The following GALNTL6 variants were observed in gnomAD, a reference collection of about 807,000 sequenced individuals.
GALNTL6 encodes polypeptide N-acetylgalactosaminyltransferase-like 6.
In GALNTL6, 46 loss-of-function variants were observed where a neutral mutation model predicts 73.7. The observed-to-expected ratio is 0.62, with a 90% CI of 0.49 to 0.80. The LOEUF (loss-of-function observed/expected upper bound fraction) is 0.80. GALNTL6 is among the 30% of genes least tolerant of loss of function. The pLI, the probability that GALNTL6 is intolerant of heterozygous loss-of-function variation, is 0.00. For missense variants in GALNTL6, 604 were observed against 755.0 expected (o/e 0.80, Z 2.34); for synonymous variants, 259 against 263.7 (o/e 0.98, Z 0.17).
chr4:172,059,522 C>A (rs1356980373), intron 2 of GALNTL6, among the ~76,000 whole-genome samples: 1 of 151,824 alleles, frequency 6.6e-6, no homozygotes, highest in Non-Finnish European at 1.5e-5. Flanking sequence ...ATAACTTGAA[C>A]CGTTGTCTAA....
At chr4:172,162,016 G>A (rs575738792) in intron 2 of GALNTL6, among the ~76,000 whole-genome samples, 6 of 152,096 alleles carry the variant, frequency 3.9e-5, no homozygotes, top group African/African-American at 1.4e-4. Flanking sequence ...TTGTTCATGG[G>A]CACTAGGGAT....
At chr4:172,496,394 T>C (rs1430107146) in intron 5 of GALNTL6, among the ~76,000 whole-genome samples, 1 of 152,090 alleles carries the variant, frequency 6.6e-6, no homozygotes, top group Non-Finnish European at 1.5e-5. Flanking sequence ...ATTTTATTAA[T>C]AAATTATAGT....
chr4:172,436,009 C>T (rs1213039531), intron 5 of GALNTL6, among the ~76,000 whole-genome samples: 1 of 37,898 alleles, frequency 2.6e-5, no homozygotes, highest in Non-Finnish European at 6.6e-5. Flanking sequence ...CTTAGCATCA[C>T]ACTCTTTAAC....
chr4:172,146,648 T>C (rs1437532149), intron 2 of GALNTL6, among the ~76,000 whole-genome samples: 1 of 152,204 alleles, frequency 6.6e-6, no homozygotes, highest in East Asian at 1.9e-4. Context: ...CCTATTAAAA[T>C]CTATAATGAT....
intron 5 of GALNTL6, among the ~76,000 whole-genome samples, chr4:172,548,194 C>G (rs954447565): frequency 6.6e-6 from 1 of 152,190 alleles, no homozygotes; most frequent in African/African-American, 2.4e-5. Context: ...AGAATTATGT[C>G]TCCACCTGAT....
rs368680813 is a variant in GALNTL6, at chr4:172,289,309, A to G, written c.248-22305A>G. On this transcript the variant is annotated intron_variant, in intron 3 of 12. Transcript: ENST00000506823. ...GTTGTATTATGATCAACTCCTCATC[A>G]TTGTTTAATTGTGTCCTAACTACAG... 3.8e-4 allele frequency among the ~76,000 whole-genome samples: 58 copies of G among 152,292 alleles called. No individual in the cohort carries two copies. The East Asian group carries it at 8.5e-3, about 22-fold the overall frequency.
At chr4:172,139,060 G>A (rs1733732987) in intron 2 of GALNTL6, among the ~76,000 whole-genome samples, 1 of 152,086 alleles carries the variant, frequency 6.6e-6, no homozygotes, top group African/African-American at 2.4e-5. Flanking sequence ...CAGACAAAAG[G>A]AACAGAAAAA....
intron 2 of GALNTL6, among the ~76,000 whole-genome samples, chr4:171,844,552 C>A (rs1735322278): frequency 6.6e-6 from 1 of 152,070 alleles, no homozygotes; most frequent in South Asian, 2.1e-4. Flanking sequence ...TTTGGAAGAG[C>A]TTTAGATGAA....
At chr4:172,339,256 AC>A (rs1421592435) in intron 4 of GALNTL6, among the ~76,000 whole-genome samples, 4 of 95,174 alleles carry the variant, frequency 4.2e-5, no homozygotes, top group Non-Finnish European at 6.2e-5. Context: ...ACACACACAC[AC>A]CACACACACA....
chr4:172,689,926 G>A (rs1261367915), intron 5 of GALNTL6, among the ~76,000 whole-genome samples: 1 of 151,882 alleles, frequency 6.6e-6, no homozygotes, highest in Non-Finnish European at 1.5e-5. Flanking sequence ...TCAAAACCAG[G>A]ATATAAAGTA....
intron 2 of GALNTL6, among the ~76,000 whole-genome samples, chr4:171,880,344 T>C (rs545435069): frequency 1.6e-4 from 25 of 152,342 alleles, no homozygotes; most frequent in African/African-American, 5.3e-4. Flanking sequence ...GAAACAGTCA[T>C]GCATTAGGCG....
intron 2 of GALNTL6, among the ~76,000 whole-genome samples, chr4:172,091,031 T>C (rs1732188508): frequency 6.6e-6 from 1 of 152,154 alleles, no homozygotes; most frequent in Admixed American, 6.5e-5. Context: ...TTGAGGCTTC[T>C]GTTCTGTTCC....
chr4:171,837,682 G>A (rs1306166636), intron 2 of GALNTL6, among the ~76,000 whole-genome samples: 2 of 145,368 alleles, frequency 1.4e-5, no homozygotes, highest in African/African-American at 5.0e-5. Flanking sequence ...AATATATTAT[G>A]TATATTTATA....
chr4:172,605,424 G>A (rs1443468465), intron 5 of GALNTL6, among the ~76,000 whole-genome samples: 1 of 152,158 alleles, frequency 6.6e-6, no homozygotes, highest in African/African-American at 2.4e-5. Flanking sequence ...ATTAATGGGG[G>A]AGATAGACAT....
intron 5 of GALNTL6, among the ~76,000 whole-genome samples, chr4:172,759,460 T>A (rs1174585146): frequency 6.6e-6 from 1 of 152,246 alleles, no homozygotes; most frequent in Non-Finnish European, 1.5e-5. Context: ...GGCCTAGTGG[T>A]CCCTTGCAGG....
intron 2 of GALNTL6, among the ~76,000 whole-genome samples, chr4:172,222,418 A>C (rs983737652): frequency 6.6e-6 from 1 of 151,994 alleles, no homozygotes; most frequent in Admixed American, 6.6e-5. Flanking sequence ...AAATATGTAT[A>C]ATAAAAGTGA....
chr4:171,826,672 C>T (rs1734834667), intron 2 of GALNTL6, among the ~76,000 whole-genome samples: 2 of 152,056 alleles, frequency 1.3e-5, no homozygotes, highest in Admixed American at 1.3e-4. Flanking sequence ...AGTCGTATTA[C>T]TTGTTAGAAA....
chr4:172,742,739 TA>T (rs1736878421), intron 5 of GALNTL6, among the ~76,000 whole-genome samples: 1 of 152,070 alleles, frequency 6.6e-6, no homozygotes, highest in Admixed American at 6.6e-5. Flanking sequence ...CTATACTGCT[TA>T]AAATCTGCTG....
intron 2 of GALNTL6, among the ~76,000 whole-genome samples, chr4:172,217,424 G>A (rs1325732058): frequency 6.6e-6 from 1 of 152,056 alleles, no homozygotes; most frequent in African/African-American, 2.4e-5. Context: ...ATAGGAATTT[G>A]GGCAAGATAA....
Sources: gnomAD v4.1 joint callset for allele counts (sites outside exome capture counted in the v4.1 genomes callset) on GRCh38, gnomAD v4.1.1 for gene constraint, MANE v1.5 for transcripts, NCBI Gene and HGNC (gene_info 2026-07-23, HGNC 2026-07-21) for gene names.